Variants in COL6A3 observed in about 807,000 individuals in gnomAD.
COL6A3 encodes collagen type VI alpha 3 chain, also known as collagen alpha-3(VI) chain.
A neutral mutation model predicts 274.1 loss-of-function variants in COL6A3; 137 were observed. That is an observed-to-expected ratio of 0.50 (90% CI 0.44 to 0.58). COL6A3 has a LOEUF of 0.58. Among genes scored for constraint, COL6A3 ranks in the 20% least tolerant of loss-of-function variants. The probability of loss-of-function intolerance (pLI) is 0.00; values close to 1 mark genes in which losing one functional copy is unlikely to be tolerated. For synonymous variants in COL6A3, 1,650 were observed against 1,650.6 expected (o/e 1.00, Z 0.01); for missense variants, 3,950 against 4,124.9 (o/e 0.96, Z 1.16).
At chr2:237,354,961 G>C in intron 23 of COL6A3, 27 bp from the exon 24 acceptor site, 2 of 1,609,466 alleles carry the variant, frequency 1.2e-6, no homozygotes, top group Non-Finnish European at 8.5e-7. Flanking sequence ...CCCACAAACT[G>C]TGAGGGGGAG....
intron 39 of COL6A3, among the ~76,000 whole-genome samples, chr2:237,338,436 A>G (rs1255410526): frequency 6.6e-6 from 1 of 152,224 alleles, no homozygotes; most frequent in East Asian, 1.9e-4. Context: ...GAGCCCAAAC[A>G]AAAATTGCTA....
chr2:237,361,019 G>A lies in COL6A3; in HGVS notation c.6210+102C>T. On this transcript the variant is annotated intron_variant, in intron 16 of 43. Transcript: ENST00000295550. This position sits in a 1 kb window ranked among gnomAD's most constrained non-coding sequence, Gnocchi z 5.1. ...AATTAATTTTTCTCCCAAAGGGAAA[G>A]CCATCAGCAACTGAACAAATGATGA... The A allele has an allele frequency of 1.0e-6, 1 of 976,628 alleles. No individual in the cohort carries two copies. The highest frequency in any genetic ancestry group is 1.7e-6 in the Non-Finnish European group (1 of 601,706). 60.5% of individuals were successfully genotyped at this position (976,628 alleles called of 1,614,324 possible).
At chr2:237,372,383 T>G in intron 8 of COL6A3, 46 bp from the exon 9 acceptor site, 1 of 1,599,952 alleles carries the variant, frequency 6.3e-7, no homozygotes, top group Non-Finnish European at 8.5e-7. Context: ...CGTCACCAAA[T>G]TCTTAGCGTT....
chr2:237,383,676 G>A (rs1167990582), intron 4 of COL6A3, among the ~76,000 whole-genome samples: 2 of 152,078 alleles, frequency 1.3e-5, no homozygotes, highest in Non-Finnish European at 2.9e-5. Context: ...GACCTGAGAA[G>A]CTACTTGCTC....
Position 237,372,182 on chromosome 2 carries a change from C to T in COL6A3, c.3835G>A (p.Asp1279Asn). The T allele has an allele frequency of 6.2e-7, 1 of 1,614,152 alleles. No individual in the cohort carries two copies. Among genetic ancestry groups the T allele is most frequent in the East Asian group, 2.2e-5 (1 of 44,874 alleles). The change falls in exon 9 of 44, where the codon GAC becomes AAC. Residue 1279 changes from aspartate to asparagine, a missense_variant. This residue lies in a region of COL6A3 where 1,934 missense variants were observed against 1,984.3 expected (regional missense o/e 0.97). Coordinates refer to ENST00000295550, the MANE Select transcript of COL6A3 (RefSeq NM_004369.4). Reference sequence around the variant, plus strand: ...TTCAGCAGGAACTCCACCTTGGGGTCATCGCTGAACTGGATGACAGCCACC... The same window carrying T: ...TTCAGCAGGAACTCCACCTTGGGGTTATCGCTGAACTGGATGACAGCCACC... ...TRVAVIQFSD[D>N]PKVEFLLNAH...
chr2:237,382,104 C>T (rs1185746031), intron 4 of COL6A3, among the ~76,000 whole-genome samples: 1 of 152,192 alleles, frequency 6.6e-6, no homozygotes, highest in East Asian at 1.9e-4. Context: ...GCGTTTTGGC[C>T]AGGCACAGTG....
rs11903206 is a variant in COL6A3, at chr2:237,336,278, G to A, written c.8822C>T (p.Ala2941Val). ...TGGCTTTGCTGCTACAGGCTTCGCT[G>A]CCGTTGCTGGCTTCACCGCCACTGG... ...RPPVAVKPATAAKPVAAKPAA... is the reference protein window; with the variant it reads ...RPPVAVKPATVAKPVAAKPAA... The change falls in exon 40 of 44, where the codon GCA becomes GTA. Residue 2941 changes from alanine to valine, a missense_variant. By Grantham distance (64) the Ala-to-Val change is moderately conservative. This residue lies in a region of COL6A3 where 1,284 missense variants were observed against 1,349.7 expected (regional missense o/e 0.95). Coordinates refer to ENST00000295550, the MANE Select transcript of COL6A3 (RefSeq NM_004369.4). 2.8e-3 allele frequency: 4,469 copies of A among 1,614,046 alleles called. 96 individuals carry two copies. The African/African-American group carries it at 0.046, about 16-fold the overall frequency.
chr2:237,401,772 C>T (rs2055149546), intron 1 of COL6A3, among the ~76,000 whole-genome samples: 1 of 151,976 alleles, frequency 6.6e-6, no homozygotes, highest in Admixed American at 6.6e-5. Flanking sequence ...GCAGCCTCAA[C>T]CTCCCAGGCC....
rs2077812200 is a variant in COL6A3 at position 237,375,440 on chromosome 2, T to C, written c.3071-420A>G. Among the ~76,000 whole-genome samples, 3 of 152,250 alleles carry C rather than the reference T, an allele frequency of 2.0e-5. No individual in the cohort carries two copies. The South Asian group carries it at 6.2e-4, about 31-fold the overall frequency. On this transcript the variant is annotated intron_variant, in intron 7 of 43. Transcript: ENST00000295550. Reference sequence around the variant, plus strand: ...GAACCTGCAGAAAGAACACAGCCTGTTGACACCTTGATTTTAGCTTAGCAA... The same window carrying C: ...GAACCTGCAGAAAGAACACAGCCTGCTGACACCTTGATTTTAGCTTAGCAA...
At chr2:237,333,805 T>G (rs915093210) in intron 41 of COL6A3, among the ~76,000 whole-genome samples, 1 of 152,150 alleles carries the variant, frequency 6.6e-6, no homozygotes, top group Non-Finnish European at 1.5e-5. Context: ...GACAGCCTCT[T>G]CTGCTGCTGT....
chr2:237,338,611 T>TA (rs1280706027), intron 39 of COL6A3, among the ~76,000 whole-genome samples: 1 of 151,370 alleles, frequency 6.6e-6, no homozygotes, highest in Non-Finnish European at 1.5e-5. Context: ...GAAAAAAAAA[T>TA]ACAAAAATTA....
chr2:237,345,330 T>C, intron 32 of COL6A3, 117 bp from the exon 33 acceptor site: 1 of 914,934 alleles, frequency 1.1e-6, no homozygotes, highest in Non-Finnish European at 1.8e-6. Context: ...TAACCTTGAT[T>C]GTTTACAGCC....
rs373247612 is a variant in COL6A3 at position 237,378,959 on chromosome 2, T to C, written c.2174A>G (p.Tyr725Cys). 38 of 1,614,054 alleles carry C rather than the reference T, an allele frequency of 2.4e-5. No homozygotes were observed. Among genetic ancestry groups the C allele is most frequent in the Non-Finnish European group, 2.8e-5 (33 of 1,180,032 alleles). Residue 725 changes from tyrosine to cysteine, a missense_variant, in exon 6 of 44, where the codon TAT becomes TGT. Physicochemically the swap from Tyr to Cys is radical, Grantham distance 194. Around this residue, in one of 5 missense-constraint regions of COL6A3, gnomAD observed 1,934 missense variants for 1,984.3 expected, o/e 0.97. Transcript: ENST00000295550. ...TTCCGTGAAGTGGTTGGCATAGACATAGCTTAGGGCTGAGCCTGTGTTCAG... is the reference window on the plus strand; with the variant it reads ...TTCCGTGAAGTGGTTGGCATAGACACAGCTTAGGGCTGAGCCTGTGTTCAG... ...SGLNTGSALS[Y>C]VYANHFTEAG... is the part of the protein sequence containing the mutation.
At chr2:237,397,017 T>TGATAGATAGACA (rs2078459899) in intron 1 of COL6A3, among the ~76,000 whole-genome samples, 170 bp from the exon 2 acceptor site, 1 of 145,998 alleles carries the variant, frequency 6.8e-6, no homozygotes, top group Non-Finnish European at 1.5e-5. Flanking sequence ...GTTAGATAGA[T>TGATAGATAGACA]GATAGATAGA....
intron 1 of COL6A3, among the ~76,000 whole-genome samples, chr2:237,409,805 T>C (rs764251552): frequency 6.6e-6 from 1 of 152,232 alleles, no homozygotes; most frequent in Non-Finnish European, 1.5e-5. Flanking sequence ...TCTACAGGGA[T>C]ACGCAATGGC....
chr2:237,391,970 T>A (rs2078300263), intron 3 of COL6A3, among the ~76,000 whole-genome samples: 1 of 152,106 alleles, frequency 6.6e-6, no homozygotes, highest in South Asian at 2.1e-4. Context: ...TGGTTTGGGG[T>A]GCTCTTGGAG....
At position 237,366,759 on chromosome 2, in the gene COL6A3, C is replaced by G. The variant is rs1463075616; in HGVS notation, c.5428G>C (p.Glu1810Gln). 3.1e-6 allele frequency: 5 copies of G among 1,614,254 alleles called. No homozygotes were observed. Among genetic ancestry groups the G allele is most frequent in the Non-Finnish European group, 4.2e-6 (5 of 1,180,048 alleles). Reference protein sequence around the residue: ...GNVQELSELSEQVLETLHDAM... With the variant: ...GNVQELSELSQQVLETLHDAM... Reference sequence around the variant, plus strand: ...TCATGCAAAGTTTCCAAAACTTGCTCGCTCAGTTCGGACAGCTCCTGGACG... The same window carrying G: ...TCATGCAAAGTTTCCAAAACTTGCTGGCTCAGTTCGGACAGCTCCTGGACG... Residue 1810 changes from glutamate to glutamine, a missense_variant, in exon 11 of 44, where the codon GAG becomes CAG. Physicochemically the swap from Glu to Gln is conservative, Grantham distance 29. Coordinates refer to ENST00000295550, the MANE Select transcript of COL6A3 (RefSeq NM_004369.4).
intron 39 of COL6A3, 61 bp downstream of exon 39, chr2:237,338,954 G>T: frequency 1.5e-6 from 2 of 1,318,376 alleles, no homozygotes; most frequent in Non-Finnish European, 2.2e-6. Context: ...GGAGGTGGTT[G>T]GAGGACCTGT....
rs372255458 is a variant in COL6A3 at position 237,380,981 on chromosome 2, C to T, written c.1831G>A (p.Ala611Thr). 22 of 1,614,044 alleles carry T rather than the reference C, an allele frequency of 1.4e-5. No homozygotes were observed. The highest frequency in any genetic ancestry group is 3.3e-4 in the Middle Eastern group (2 of 6,066). ...CCAGGCAGCATGCCTTGCAATGGGG[C>T]GGCTCGGAACTCAGCTGGGATGAAC... is the stretch of plus-strand genomic sequence containing the variant. ...LVFIPAEFRA[A>T]PLQGMLPGLL... Residue 611 changes from alanine (A) to threonine (T), a missense_variant, in exon 5 of 44, where the codon GCC becomes ACC. By Grantham distance (58) the Ala-to-Thr change is moderately conservative. Transcript: ENST00000295550.
Sources: gnomAD v4.1 joint callset for allele counts (sites outside exome capture counted in the v4.1 genomes callset) on GRCh38, gnomAD v4.1.1 for gene constraint, gnomAD v4.1.1 regional missense constraint, Gnocchi (gnomAD v3.1) non-coding constraint, MANE v1.5 for transcripts, NCBI Gene and HGNC (gene_info 2026-07-23, HGNC 2026-07-21) for gene names.